Variants in SNX10 observed in about 807,000 individuals in gnomAD.
SNX10 encodes the protein sorting nexin-10.
In SNX10, 25 loss-of-function variants were observed where a neutral mutation model predicts 28.5. The ratio of observed to expected loss-of-function variants is 0.88; its 90% CI spans 0.64 to 1.22. The LOEUF is 1.22. Among genes scored for constraint, SNX10 ranks in the 50% most tolerant of loss-of-function variants. The pLI, the probability that SNX10 is intolerant of heterozygous loss-of-function variation, is 0.00. For missense variants in SNX10, 223 were observed against 242.6 expected (o/e 0.92, Z 0.54); for synonymous variants, 62 against 81.4 (o/e 0.76, Z 1.28).
chr7:26,338,242 G>A (rs548645681), intron 1 of SNX10, among the ~76,000 whole-genome samples: 2 of 150,328 alleles, frequency 1.3e-5, no homozygotes, highest in African/African-American at 2.4e-5. Flanking sequence ...CCAGCCTCCC[G>A]AGTGGCCTGG....
intron 2 of SNX10, among the ~76,000 whole-genome samples, chr7:26,352,396 C>A (rs1461836702): frequency 6.6e-6 from 1 of 152,108 alleles, no homozygotes; most frequent in African/African-American, 2.4e-5. Flanking sequence ...ACATTCCACC[C>A]TATGCAATGG....
chr7:26,366,868 T>C (rs1789311587), intron 5 of SNX10, among the ~76,000 whole-genome samples: 1 of 152,226 alleles, frequency 6.6e-6, no homozygotes, highest in Non-Finnish European at 1.5e-5. Flanking sequence ...CCTGTGAGTG[T>C]CATTCAGCCA....
intron 2 of SNX10, chr7:26,354,334 A>G (rs1197874996): frequency 1.3e-5 from 2 of 151,910 alleles, no homozygotes; most frequent in African/African-American, 2.4e-5. Context: ...ATTGAATTCT[A>G]TTTTTTAAAT....
intron 1 of SNX10, among the ~76,000 whole-genome samples, chr7:26,300,207 T>C (rs1336868221): frequency 6.6e-6 from 1 of 151,922 alleles, no homozygotes; most frequent in Admixed American, 6.6e-5. Context: ...CGAGACTCTG[T>C]CTCAAAAATA....
At chr7:26,336,609 G>A (rs1484383370) in intron 1 of SNX10, among the ~76,000 whole-genome samples, 1 of 152,138 alleles carries the variant, frequency 6.6e-6, no homozygotes, top group Non-Finnish European at 1.5e-5. Context: ...GGAGGCTGAG[G>A]CACGAAAATC....
In SNX10 at chr7:26,304,101, C is replaced by T. The variant is rs1204041208; in HGVS notation, c.-24+12015C>T. Among the ~76,000 whole-genome samples, 6 of 152,182 alleles carry T rather than the reference C, an allele frequency of 3.9e-5. No individual in the cohort carries two copies. In the East Asian group the frequency reaches 7.7e-4, roughly 20 times the overall value. On this transcript the variant is annotated intron_variant, in intron 1 of 6. Transcript: ENST00000338523. ...GAGAATACAAAGCGAGATGTGGGAA[C>T]GTGGTGGTGCACTGTGCAGATTAGG...
intron 1 of SNX10, among the ~76,000 whole-genome samples, chr7:26,320,542 C>T (rs945946316): frequency 4.6e-5 from 7 of 151,920 alleles, no homozygotes; most frequent in African/African-American, 1.5e-4. Context: ...AGTGATTTCT[C>T]CTGCCTCAGC....
chr7:26,347,725 C>G (rs1427447176), intron 2 of SNX10, among the ~76,000 whole-genome samples: 4 of 152,124 alleles, frequency 2.6e-5, no homozygotes, highest in Admixed American at 6.6e-5. Flanking sequence ...TGGCATGCGT[C>G]TGTAGTTCCA....
At chr7:26,324,125 A>G (rs556751773) in intron 1 of SNX10, among the ~76,000 whole-genome samples, 3 of 152,334 alleles carry the variant, frequency 2.0e-5, no homozygotes, top group South Asian at 4.1e-4. Flanking sequence ...TGAATGCTCA[A>G]CAATACAGGT....
chr7:26,327,918 G>T (rs1787568698), intron 1 of SNX10, among the ~76,000 whole-genome samples: 1 of 151,460 alleles, frequency 6.6e-6, no homozygotes, highest in Non-Finnish European at 1.5e-5. Context: ...ATTTTTAGTA[G>T]AGGCAGGGTT....
chr7:26,369,954 A>G (rs1315390750), intron 5 of SNX10, among the ~76,000 whole-genome samples: 2 of 152,254 alleles, frequency 1.3e-5, no homozygotes, highest in African/African-American at 4.8e-5. Flanking sequence ...CATGAAATAA[A>G]GCTAAAATGA....
chr7:26,335,902 C>A (rs970753250), intron 1 of SNX10, among the ~76,000 whole-genome samples: 2 of 151,486 alleles, frequency 1.3e-5, no homozygotes, highest in Non-Finnish European at 3.0e-5. Context: ...CGCCACTGCG[C>A]CCGGCTAATT....
chr7:26,317,626 A>G (rs1338195933), intron 1 of SNX10, among the ~76,000 whole-genome samples: 1 of 151,676 alleles, frequency 6.6e-6, no homozygotes, highest in Non-Finnish European at 1.5e-5. Context: ...AGCCTGAATG[A>G]ATATTGAATA....
intron 1 of SNX10, among the ~76,000 whole-genome samples, chr7:26,310,839 C>T (rs770313178): frequency 4.6e-5 from 7 of 152,116 alleles, no homozygotes; most frequent in Non-Finnish European, 4.4e-5. Flanking sequence ...CCTGCCACCA[C>T]GGCTGGCTAA....
intron 1 of SNX10, among the ~76,000 whole-genome samples, chr7:26,320,936 A>G (rs1443515295): frequency 1.3e-5 from 2 of 152,206 alleles, no homozygotes; most frequent in African/African-American, 4.8e-5. Flanking sequence ...TTTCCTTACC[A>G]AGGGGCATTT....
intron 2 of SNX10, among the ~76,000 whole-genome samples, chr7:26,355,055 G>A (rs543285577): frequency 6.6e-6 from 1 of 152,256 alleles, no homozygotes; most frequent in East Asian, 1.9e-4. Flanking sequence ...TTGGCCTGTG[G>A]ATGTCCAGTT....
At chr7:26,370,064 A>G (rs1004162574) in intron 5 of SNX10, among the ~76,000 whole-genome samples, 3 of 152,216 alleles carry the variant, frequency 2.0e-5, no homozygotes, top group Non-Finnish European at 4.4e-5. Context: ...TTATTTTATA[A>G]AGAAAATAAA....
chr7:26,320,213 C>G (rs1465673812), intron 1 of SNX10, among the ~76,000 whole-genome samples: 1 of 151,870 alleles, frequency 6.6e-6, no homozygotes, highest in Non-Finnish European at 1.5e-5. Flanking sequence ...AACTCTTGAC[C>G]TCAAGTGATC....
chr7:26,359,673 T>G (rs1486363394), intron 2 of SNX10, among the ~76,000 whole-genome samples: 3 of 152,160 alleles, frequency 2.0e-5, no homozygotes, highest in African/African-American at 7.2e-5. Context: ...TTTTAATTTT[T>G]TTTTTTTTTG....
Sources: gnomAD v4.1 joint callset for allele counts (sites outside exome capture counted in the v4.1 genomes callset) on GRCh38, gnomAD v4.1.1 for gene constraint, MANE v1.5 for transcripts, NCBI Gene and HGNC (gene_info 2026-07-23, HGNC 2026-07-21) for gene names.